GOLT1B: variants seen among roughly 807,000 people sequenced by gnomAD.
GOLT1B encodes the protein vesicle transport protein GOT1B.
In GOLT1B, 3 loss-of-function variants were observed where a neutral mutation model predicts 15.4. The ratio of observed to expected loss-of-function variants is 0.19; its 90% CI spans 0.09 to 0.50. The LOEUF is 0.50. Ranked by LOEUF, GOLT1B falls within the 20% of genes least tolerant of loss-of-function variation. GOLT1B has a pLI of 0.97. For synonymous variants in GOLT1B, 65 were observed against 56.2 expected, an observed-to-expected ratio of 1.16 and a Z score of -0.70; for missense variants, 145 against 160.4, an observed-to-expected ratio of 0.90 and a Z score of 0.52.
At chr12:21,508,661 C>A in intron 3 of GOLT1B, 100 bp downstream of exon 3, 1 of 661,902 alleles carries the variant, frequency 1.5e-6, no homozygotes, top group Non-Finnish European at 2.6e-6. Flanking sequence ...ATGATCATTT[C>A]CTTAAATGGA....
chr12:21,507,981 G>A (rs1225183419), intron 2 of GOLT1B: 1 of 454,140 alleles, frequency 2.2e-6, no homozygotes, highest in Non-Finnish European at 4.4e-6. Context: ...TCAGAACCAA[G>A]AGGAATACCC....
intron 4 of GOLT1B, among the ~76,000 whole-genome samples, chr12:21,514,328 A>G (rs1943740948): frequency 6.6e-6 from 1 of 152,212 alleles, no homozygotes. Flanking sequence ...GTTTCTAGAG[A>G]GAAAGTTCAT....
chr12:21,512,334 GC>G lies in GOLT1B; in HGVS notation c.338del (p.Pro113GlnfsTer7). The G allele has an allele frequency of 6.3e-7, 1 of 1,579,518 alleles. No individual in the cohort carries two copies. The highest frequency in any genetic ancestry group is 8.7e-7 in the Non-Finnish European group (1 of 1,148,948). On this transcript the variant is annotated frameshift_variant, in exon 4 of 5. Transcript: ENST00000229314. LOFTEE classifies it high-confidence loss of function. ...TCGTTGTTGGCTTTATTAGAAGAGT[GC>G]CAGTCCTTGGATCCCTCCTAAATTT... ...PVVVGFIRRV[P>X]VLGSLLNLPG...
chr12:21,515,974 A>G lies in GOLT1B; in HGVS notation c.*267A>G, dbSNP rs528353384. The G allele has an allele frequency of 2.4e-5, 8 of 336,300 alleles. No individual in the cohort carries two copies. Among genetic ancestry groups the G allele is most frequent in the African/African-American group, 6.4e-5 (3 of 46,666 alleles). The allele number at this position is 336,300 out of a possible 1,614,324, so 20.8% of individuals were successfully genotyped here. On this transcript the variant is annotated 3_prime_UTR_variant, in exon 5 of 5. Coordinates refer to ENST00000229314, the MANE Select transcript of GOLT1B (RefSeq NM_016072.5). The stretch of plus-strand genomic sequence containing the variant: ...GATGCTTAAGAAACTCTTGAAGGCT[A>G]TTTGTGTTGTTTTTCCACAATGTGC...
intron 4 of GOLT1B, among the ~76,000 whole-genome samples, chr12:21,512,959 G>A (rs547246367): frequency 3.8e-4 from 57 of 151,628 alleles, no homozygotes; most frequent in African/African-American, 1.2e-3. Flanking sequence ...CCAGCTACTC[G>A]AGAGACTGAG....
intron 1 of GOLT1B, among the ~76,000 whole-genome samples, chr12:21,505,991 A>C (rs1371885909): frequency 6.6e-6 from 1 of 151,774 alleles, no homozygotes; most frequent in Admixed American, 6.6e-5. Flanking sequence ...TGCACAGTCA[A>C]TAAAAGTATT....
chr12:21,501,965 G>C lies in GOLT1B; in HGVS notation c.25+17G>C. ...ACACGCAGAGTAAGCACCTGCTCCG[G>C]GGCCCCCGCCTCGAGCCGCGCACAC... On this transcript the variant is annotated intron_variant, in intron 1 of 4. Transcript: ENST00000229314. The C allele has an allele frequency of 6.3e-7, 1 of 1,597,450 alleles. No homozygotes were observed. The highest frequency in any genetic ancestry group is 8.6e-7 in the Non-Finnish European group (1 of 1,165,232).
In GOLT1B at chr12:21,517,612, G is replaced by C. The variant is rs1287069675; in HGVS notation, c.*1905G>C. The C allele has an allele frequency of 6.6e-6, 1 of 152,024 alleles. No individual in the cohort carries two copies. Among genetic ancestry groups the C allele is most frequent in the African/African-American group, 2.4e-5 (1 of 41,454 alleles). The allele number at this position is 152,024 out of a possible 1,614,324, so 9.4% of individuals were successfully genotyped here. ...TGTAGACATGAATTTCTATCAAAAT[G>C]TTCTTTGCACTGTAACAGAGATTCC... is the stretch of plus-strand genomic sequence containing the variant. On this transcript the variant is annotated 3_prime_UTR_variant, in exon 5 of 5. Coordinates refer to ENST00000229314, the MANE Select transcript of GOLT1B (RefSeq NM_016072.5).
Position 21,501,823 on chromosome 12 carries a change from C to T in GOLT1B, c.-101C>T, listed in dbSNP as rs1330461811. 6 of 805,942 alleles carry T rather than the reference C, an allele frequency of 7.4e-6. No individual in the cohort carries two copies. The highest frequency in any genetic ancestry group is 1.3e-5 in the Non-Finnish European group (6 of 465,442). The allele number at this position is 805,942 out of a possible 1,614,324, so 49.9% of individuals were successfully genotyped here. ...GGCTGCGTGTTTCCGGAAGACGTGG[C>T]GGCTCTCGCCTGGGCTGTTTCCCGG... is the stretch of plus-strand genomic sequence containing the variant. On this transcript the variant is annotated 5_prime_UTR_variant, in exon 1 of 5. Coordinates refer to ENST00000229314, the MANE Select transcript of GOLT1B (RefSeq NM_016072.5).
chr12:21,513,791 G>C (rs1457284532), intron 4 of GOLT1B, among the ~76,000 whole-genome samples: 3 of 152,096 alleles, frequency 2.0e-5, no homozygotes, highest in African/African-American at 7.2e-5. Context: ...GCAAAACCTT[G>C]TCTCAAACAA....
intron 1 of GOLT1B, among the ~76,000 whole-genome samples, chr12:21,503,868 A>G (rs937079521): frequency 2.0e-3 from 7 of 3,544 alleles, no homozygotes; most frequent in East Asian, 0.042. Flanking sequence ...GACTTTCCTC[A>G]CCGCCCCAAA....
At chr12:21,506,760 C>A in intron 1 of GOLT1B, 125 bp from the exon 2 acceptor site, 1 of 488,538 alleles carries the variant, frequency 2.0e-6, no homozygotes, top group Non-Finnish European at 3.7e-6. Flanking sequence ...TGAAGTTAAC[C>A]TGCAATGTTG....
Position 21,518,328 on chromosome 12 carries a change from T to A in GOLT1B, c.*2621T>A, listed in dbSNP as rs773167482. 1.4e-4 allele frequency: 22 copies of A among 152,160 alleles called. No individual in the cohort carries two copies. The highest frequency in any genetic ancestry group is 2.8e-4 in the Non-Finnish European group (19 of 68,018). 9.4% of individuals were successfully genotyped at this position (152,160 alleles called of 1,614,324 possible). On this transcript the variant is annotated 3_prime_UTR_variant, in exon 5 of 5. Coordinates refer to ENST00000229314, the MANE Select transcript of GOLT1B (RefSeq NM_016072.5). Reference sequence around the variant, plus strand: ...ATGTACTAATGAATACAAATAGACTTCAAGTAAGCAAAAATGTTCTTAATT... The same window carrying A: ...ATGTACTAATGAATACAAATAGACTACAAGTAAGCAAAAATGTTCTTAATT...
intron 4 of GOLT1B, chr12:21,515,226 G>C: frequency 1.4e-6 from 2 of 1,407,184 alleles, no homozygotes; most frequent in Non-Finnish European, 9.7e-7. Context: ...AGTTAAATCT[G>C]TTTGTCCAAA....
chr12:21,501,791 T>C lies in GOLT1B; in HGVS notation c.-133T>C. The C allele has an allele frequency of 4.3e-6, 3 of 689,950 alleles. No individual in the cohort carries two copies. In the South Asian group the frequency reaches 4.9e-5, roughly 11 times the overall value. The allele number at this position is 689,950 out of a possible 1,614,324, so 42.7% of individuals were successfully genotyped here. A position where few individuals can be genotyped will look rare whatever the true frequency, so the allele number is the denominator to read the frequency against. ...ATAGGAAGCGCTCTTAAAGCGGCAGTGAGGGTGGCTGCGTGTTTCCGGAAG... is the reference window on the plus strand; with the variant it reads ...ATAGGAAGCGCTCTTAAAGCGGCAGCGAGGGTGGCTGCGTGTTTCCGGAAG... On this transcript the variant is annotated 5_prime_UTR_variant, in exon 1 of 5. Coordinates refer to ENST00000229314, the MANE Select transcript of GOLT1B (RefSeq NM_016072.5).
chr12:21,507,537 T>TAC, intron 2 of GOLT1B, among the ~76,000 whole-genome samples: 1 of 151,724 alleles, frequency 6.6e-6, no homozygotes, highest in Non-Finnish European at 1.5e-5. Flanking sequence ...TGTATATATA[T>TAC]ATATACACAC....
rs1378598578 is a variant in GOLT1B, at chr12:21,517,488, T to C, written c.*1781T>C. 6.6e-6 allele frequency: 1 copy of C among 152,260 alleles called. No homozygotes were observed. The highest frequency in any genetic ancestry group is 1.5e-5 in the Non-Finnish European group (1 of 67,896). 9.4% of individuals were successfully genotyped at this position (152,260 alleles called of 1,614,324 possible). On this transcript the variant is annotated 3_prime_UTR_variant, in exon 5 of 5. Coordinates refer to ENST00000229314, the MANE Select transcript of GOLT1B (RefSeq NM_016072.5). ...GTGCCCTGTAGAACTCTGTTACACA[T>C]ATTTTTGACCCATATTATTTACAAT...
Position 21,517,208 on chromosome 12 carries a change from A to T in GOLT1B, c.*1501A>T, listed in dbSNP as rs148759998. On this transcript the variant is annotated 3_prime_UTR_variant, in exon 5 of 5. Coordinates refer to ENST00000229314, the MANE Select transcript of GOLT1B (RefSeq NM_016072.5). Reference sequence around the variant, plus strand: ...TCTCTTAATACACAGAGAACTCCCAATCTTGCTCATCTAAATAAGGAAAGA... The same window carrying T: ...TCTCTTAATACACAGAGAACTCCCATTCTTGCTCATCTAAATAAGGAAAGA... 1 of 152,428 alleles carries T rather than the reference A, an allele frequency of 6.6e-6. No individual in the cohort carries two copies. Among genetic ancestry groups the T allele is most frequent in the Admixed American group, 6.5e-5 (1 of 15,268 alleles). 9.4% of individuals were successfully genotyped at this position (152,428 alleles called of 1,614,324 possible). A position where few individuals can be genotyped will look rare whatever the true frequency, so the allele number is the denominator to read the frequency against.
In GOLT1B at chr12:21,508,336, A is replaced by G. The variant is rs376744318; in HGVS notation, c.118-47A>G. 4.5e-6 allele frequency: 5 copies of G among 1,105,472 alleles called. No individual in the cohort carries two copies. The East Asian group carries it at 7.3e-5, about 16-fold the overall frequency. The allele number at this position is 1,105,472 out of a possible 1,614,324, so 68.5% of individuals were successfully genotyped here. The stretch of plus-strand genomic sequence containing the variant: ...TTGACTTTACGTTTAAAATTTATGC[A>G]TTGTGTTTAATTACCTTTTCCGTGT... On this transcript the variant is annotated intron_variant, in intron 2 of 4. Transcript: ENST00000229314.
Sources: gnomAD v4.1 joint callset for allele counts (sites outside exome capture counted in the v4.1 genomes callset) on GRCh38, gnomAD v4.1.1 for gene constraint, MANE v1.5 for transcripts, NCBI Gene and HGNC (gene_info 2026-07-23, HGNC 2026-07-21) for gene names.